The following FRYL variants were observed in gnomAD, a reference collection of about 807,000 sequenced individuals.
FRYL encodes the protein protein furry homolog-like.
A neutral mutation model predicts 351.2 loss-of-function variants in FRYL; 150 were observed. The observed-to-expected ratio is 0.43, with a 90% CI of 0.37 to 0.49. The LOEUF (loss-of-function observed/expected upper bound fraction) is 0.49. Ranked by LOEUF, FRYL falls within the 20% of genes least tolerant of loss-of-function variation. The pLI is 0.00. For synonymous variants in FRYL, 1,153 were observed against 1,257.1 expected, an observed-to-expected ratio of 0.92 and a Z score of 1.75; for missense variants, 3,036 against 3,619.3, an observed-to-expected ratio of 0.84 and a Z score of 4.13.
chr4:48,551,838 A>C (rs1268809381), intron 36 of FRYL, among the ~76,000 whole-genome samples: 1 of 152,212 alleles, frequency 6.6e-6, no homozygotes, highest in Non-Finnish European at 1.5e-5. Context: ...AAAACCAAGA[A>C]GCTTCCATGT....
intron 12 of FRYL, 90 bp downstream of exon 12, chr4:48,603,200 T>A (rs1264723320): frequency 2.1e-6 from 2 of 939,922 alleles, no homozygotes; most frequent in Non-Finnish European, 3.3e-6. Context: ...ATTTCAGATT[T>A]TACCATTCTC....
At chr4:48,635,962 T>TA (rs1355855216) in intron 3 of FRYL, among the ~76,000 whole-genome samples, 1 of 152,082 alleles carries the variant, frequency 6.6e-6, no homozygotes, top group Non-Finnish European at 1.5e-5. Flanking sequence ...TTTGTCAAAT[T>TA]AAAAAAACTT....
rs1176620462 is a variant in FRYL, at chr4:48,540,498, T to C, written c.6150A>G (p.Lys2050=). Residue 2050 remains lysine (K), a synonymous_variant, in exon 46 of 64, where the codon AAA becomes AAG. Coordinates refer to ENST00000358350, the MANE Select transcript of FRYL (RefSeq NM_015030.2). The part of the protein sequence containing the change: ...SREKIENVQS[K]LKWTNFPGLQ... ...GTCCTGGAAAATTAGTCCATTTCAATTTGCTTTGTACATTTTCAATCTTCT... is the reference window on the plus strand; with the variant it reads ...GTCCTGGAAAATTAGTCCATTTCAACTTGCTTTGTACATTTTCAATCTTCT... 5 of 1,613,966 alleles carry C rather than the reference T, an allele frequency of 3.1e-6. No individual in the cohort carries two copies. The Admixed American group carries it at 8.3e-5, about 27-fold the overall frequency.
chr4:48,582,616 C>T lies in FRYL; in HGVS notation c.1867G>A (p.Val623Ile), dbSNP rs1442214276. 6.2e-7 allele frequency: 1 copy of T among 1,613,700 alleles called. No individual in the cohort carries two copies. The highest frequency in any genetic ancestry group is 1.7e-5 in the Admixed American group (1 of 59,986). The stretch of plus-strand genomic sequence containing the variant: ...GGATGGACATCAGTCACTTCACGAA[C>T]AATAAAATAAACAAATCCTGAAAGA... Reference protein sequence around the residue: ...DVLSGFVYFIVREVTDVHPTL... With the variant: ...DVLSGFVYFIIREVTDVHPTL... The change falls in exon 20 of 64, where the codon GTT becomes ATT. Residue 623 changes from valine to isoleucine, a missense_variant. Around this residue, in one of 7 missense-constraint regions of FRYL, gnomAD observed 492 missense variants for 551.5 expected, o/e 0.89. Coordinates refer to ENST00000358350, the MANE Select transcript of FRYL (RefSeq NM_015030.2).
At chr4:48,620,426 G>T (rs956814784) in intron 6 of FRYL, among the ~76,000 whole-genome samples, 1 of 152,160 alleles carries the variant, frequency 6.6e-6, no homozygotes, top group Non-Finnish European at 1.5e-5. Flanking sequence ...CCCAGTATGA[G>T]TACTGTAGGG....
At chr4:48,755,888 T>C (rs1415583662) in intron 1 of FRYL, among the ~76,000 whole-genome samples, 9 of 151,880 alleles carry the variant, frequency 5.9e-5, no homozygotes, top group African/African-American at 1.7e-4. Context: ...CTTAAGTTTA[T>C]AATTTGTTTA....
intron 1 of FRYL, among the ~76,000 whole-genome samples, chr4:48,716,726 G>A (rs927264570): frequency 1.3e-5 from 2 of 151,358 alleles, no homozygotes; most frequent in Non-Finnish European, 2.9e-5. Flanking sequence ...ATTTCTCAGG[G>A]GTCTAGAACT....
intron 4 of FRYL, among the ~76,000 whole-genome samples, chr4:48,626,176 A>G (rs1336936672): frequency 6.6e-5 from 10 of 152,136 alleles, no homozygotes; most frequent in Admixed American, 6.6e-4. Context: ...AACAAAAACC[A>G]GGAGGTATGG....
chr4:48,665,934 G>A (rs1233065799), intron 3 of FRYL, among the ~76,000 whole-genome samples: 1 of 152,160 alleles, frequency 6.6e-6, no homozygotes, highest in East Asian at 1.9e-4. Context: ...TACCATTAAA[G>A]CCACCTTTGA....
At chr4:48,715,269 C>T (rs1768651636) in intron 1 of FRYL, among the ~76,000 whole-genome samples, 5 of 151,494 alleles carry the variant, frequency 3.3e-5, no homozygotes, top group Admixed American at 3.3e-4. Flanking sequence ...GAAGTTCTGG[C>T]CAGGGCAATC....
intron 19 of FRYL, among the ~76,000 whole-genome samples, chr4:48,585,070 G>T (rs1381090779): frequency 6.6e-6 from 1 of 151,910 alleles, no homozygotes. Flanking sequence ...GAAAAGATGG[G>T]AGATCTACTC....
chr4:48,653,862 G>T lies in FRYL; in HGVS notation c.-80-19372C>A. The T allele has an allele frequency of 3.9e-6, 5 of 1,286,146 alleles. No individual in the cohort carries two copies. In the South Asian group the frequency reaches 6.2e-5, roughly 16 times the overall value. The allele number at this position is 1,286,146 out of a possible 1,614,324, so 79.7% of individuals were successfully genotyped here. A position where few individuals can be genotyped will look rare whatever the true frequency, so the allele number is the denominator to read the frequency against. ...CAGAAGCAGCAGCAGCAGCGGTTTT[G>T]CCGTTCTGTCTCTCCAAGCCGCTGT... On this transcript the variant is annotated intron_variant, in intron 3 of 63. Coordinates refer to ENST00000358350, the MANE Select transcript of FRYL (RefSeq NM_015030.2).
At chr4:48,536,007 T>G (rs565305561) in intron 47 of FRYL, among the ~76,000 whole-genome samples, 180 bp from the exon 48 acceptor site, 3 of 152,304 alleles carry the variant, frequency 2.0e-5, no homozygotes, top group Admixed American at 2.0e-4. Context: ...CTTCACAGAA[T>G]AGTAAGAGCT....
At chr4:48,624,717 T>C (rs967895294) in intron 4 of FRYL, among the ~76,000 whole-genome samples, 2 of 152,200 alleles carry the variant, frequency 1.3e-5, no homozygotes, top group African/African-American at 4.8e-5. Context: ...AGATATTTGA[T>C]TAAACATTAT....
At chr4:48,691,822 G>A (rs1373572427) in intron 2 of FRYL, among the ~76,000 whole-genome samples, 1 of 152,032 alleles carries the variant, frequency 6.6e-6, no homozygotes, top group Non-Finnish European at 1.5e-5. Flanking sequence ...TGTATACACT[G>A]TATACAACCG....
chr4:48,664,989 G>T (rs893755347), intron 3 of FRYL, among the ~76,000 whole-genome samples: 1 of 152,100 alleles, frequency 6.6e-6, no homozygotes. Flanking sequence ...CTATAAGTGG[G>T]TTTCTAAAAA....
chr4:48,536,778 G>C (rs1728986464), intron 47 of FRYL, among the ~76,000 whole-genome samples: 1 of 152,038 alleles, frequency 6.6e-6, no homozygotes, highest in Non-Finnish European at 1.5e-5. Flanking sequence ...ACAGCATTTG[G>C]TAAAGAAACT....
chr4:48,671,536 G>A (rs1019904717), intron 3 of FRYL, among the ~76,000 whole-genome samples: 21 of 151,938 alleles, frequency 1.4e-4, no homozygotes, highest in African/African-American at 4.6e-4. Context: ...GTGTGATAGC[G>A]CATGCCTGTA....
intron 2 of FRYL, among the ~76,000 whole-genome samples, chr4:48,704,598 G>T (rs1386563454): frequency 2.0e-5 from 3 of 152,186 alleles, no homozygotes; most frequent in African/African-American, 7.2e-5. Context: ...AGATCCCTGA[G>T]GCTAGGAGTT....
Sources: allele counts gnomAD v4.1 joint callset (sites outside exome capture counted in the v4.1 genomes callset), GRCh38; gene constraint gnomAD v4.1.1; regional missense constraint gnomAD v4.1.1; transcripts MANE v1.5; gene names NCBI Gene and HGNC (gene_info 2026-07-23, HGNC 2026-07-21).